Variants in PLXNA2 observed in about 807,000 individuals in gnomAD.
PLXNA2 encodes the protein plexin A2.
In PLXNA2, 91 loss-of-function variants were observed where a neutral mutation model predicts 193.5. That is an observed-to-expected ratio of 0.47 (90% confidence interval 0.40 to 0.56). The LOEUF (loss-of-function observed/expected upper bound fraction) is 0.56. Ranked by LOEUF, PLXNA2 falls within the 20% of genes least tolerant of loss-of-function variation. PLXNA2 has a pLI of 0.00. For missense variants in PLXNA2, 1,995 were observed against 2,503.2 expected (o/e 0.80, Z 4.33); for synonymous variants, 997 against 1,027.3 (o/e 0.97, Z 0.56).
intron 12 of PLXNA2, among the ~76,000 whole-genome samples, chr1:208,071,328 G>C (rs746526660): frequency 2.0e-5 from 3 of 152,236 alleles, no homozygotes; most frequent in Non-Finnish European, 4.4e-5. Context: ...GGACCAACGA[G>C]TGAGGACAAG....
rs375280101 is a variant in PLXNA2, at chr1:208,098,961, C to A, written c.1616G>T (p.Arg539Leu). 3.8e-6 allele frequency: 6 copies of A among 1,597,716 alleles called. No homozygotes were observed. Among genetic ancestry groups the A allele is most frequent in the East Asian group, 2.3e-5 (1 of 44,316 alleles). The stretch of plus-strand genomic sequence containing the variant: ...CCAGGCCTGTTGGCATTTGTCCCTG[C>A]GGGAGCACCTGCCATAAACACAGAT... ...GWCALHNMCSRRDKCQQAWEP... is the reference protein window; with the variant it reads ...GWCALHNMCSLRDKCQQAWEP... The change falls in exon 6 of 32, where the codon CGC becomes CTC. Residue 539 changes from arginine to leucine, a missense_variant. Transcript: ENST00000367033.
chr1:208,064,739 T>A (rs1156736158), intron 12 of PLXNA2, among the ~76,000 whole-genome samples: 1 of 152,144 alleles, frequency 6.6e-6, no homozygotes, highest in African/African-American at 2.4e-5. Flanking sequence ...TATTTCTTCT[T>A]AGGATCAAGG....
At chr1:208,134,709 C>G (rs1400750520) in intron 4 of PLXNA2, among the ~76,000 whole-genome samples, 2 of 152,062 alleles carry the variant, frequency 1.3e-5, no homozygotes, top group Non-Finnish European at 2.9e-5. Flanking sequence ...GAGTCCTTGC[C>G]CGCCTTGTAA....
intron 3 of PLXNA2, among the ~76,000 whole-genome samples, chr1:208,198,745 G>A (rs966063521): frequency 5.3e-5 from 8 of 152,178 alleles, no homozygotes; most frequent in Admixed American, 1.3e-4. Context: ...CAGGCAAGTG[G>A]TAGTCTACAC....
At chr1:208,100,907 G>A (rs1558192185) in intron 5 of PLXNA2, among the ~76,000 whole-genome samples, 1 of 152,208 alleles carries the variant, frequency 6.6e-6, no homozygotes, top group Non-Finnish European at 1.5e-5. Flanking sequence ...GCTGGTGCCA[G>A]CGTGTCCAAA....
At position 208,033,514 on chromosome 1, in the gene PLXNA2, GGA is replaced by G. The variant is rs758994577; in HGVS notation, c.4865-7_4865-6del. 1.9e-5 allele frequency: 31 copies of G among 1,597,258 alleles called. 1 individual carries two copies. The South Asian group carries it at 3.3e-4, about 17-fold the overall frequency. On this transcript the variant is annotated splice_polypyrimidine_tract_variant and splice_region_variant and intron_variant, in intron 27 of 31. Coordinates refer to ENST00000367033, the MANE Select transcript of PLXNA2 (RefSeq NM_025179.4). ...CCGTATACCTGAAGGAGGAGTCTGA[GGA>G]GAAGGGGTTGGTGGAGGGCTGTGAG...
In PLXNA2 at chr1:208,116,212, TTCTC is replaced by T. The variant is rs147826097; in HGVS notation, c.1507-12969_1507-12966del. Reference sequence around the variant, plus strand: ...GTCTTCCTTGATCAACCTTTGTTACTTCTCTCTCTGAACTGAGAATCTGACTGCC... The same window carrying T: ...GTCTTCCTTGATCAACCTTTGTTACTTCTCTGAACTGAGAATCTGACTGCC... On this transcript the variant is annotated intron_variant, in intron 4 of 31. Transcript: ENST00000367033. Among the ~76,000 whole-genome samples the T allele has an allele frequency of 7.8e-3, 1,190 of 152,358 alleles. 12 individuals carry two copies. Among genetic ancestry groups the T allele is most frequent in the Admixed American group, 0.014 (216 of 15,304 alleles).
At chr1:208,164,827 GCGGCACTAA>G (rs1193866729) in intron 3 of PLXNA2, among the ~76,000 whole-genome samples, 1 of 152,210 alleles carries the variant, frequency 6.6e-6, no homozygotes, top group Non-Finnish European at 1.5e-5. Context: ...CCTGACTCTA[GCGGCACTAA>G]CGGATTCTCT....
chr1:208,051,122 C>T lies in PLXNA2; in HGVS notation c.3162-20G>A, dbSNP rs768214931. 20 of 1,608,412 alleles carry T rather than the reference C, an allele frequency of 1.2e-5. No homozygotes were observed. Among genetic ancestry groups the T allele is most frequent in the Middle Eastern group, 1.7e-4 (1 of 6,032 alleles). The stretch of plus-strand genomic sequence containing the variant: ...TGGCCACTGAAAACAGGCAGAGGCT[C>T]GGTTAGGTAAAAAACCCCCTCAAAT... On this transcript the variant is annotated intron_variant, in intron 16 of 31. Coordinates refer to ENST00000367033, the MANE Select transcript of PLXNA2 (RefSeq NM_025179.4).
intron 12 of PLXNA2, among the ~76,000 whole-genome samples, chr1:208,066,031 T>C (rs1665784006): frequency 6.6e-6 from 1 of 150,422 alleles, no homozygotes; most frequent in South Asian, 2.1e-4. Context: ...GTTTGGGGGG[T>C]GTATGTGTGT....
Position 208,023,770 on chromosome 1 carries a change from T to C in PLXNA2, c.*3473A>G, listed in dbSNP as rs1244749094. 5 of 152,250 alleles carry C rather than the reference T, an allele frequency of 3.3e-5. No individual in the cohort carries two copies. The East Asian group carries it at 9.6e-4, about 29-fold the overall frequency. 9.4% of individuals were successfully genotyped at this position (152,250 alleles called of 1,614,324 possible). A position where few individuals can be genotyped will look rare whatever the true frequency, so the allele number is the denominator to read the frequency against. On this transcript the variant is annotated 3_prime_UTR_variant, in exon 32 of 32. Coordinates refer to ENST00000367033, the MANE Select transcript of PLXNA2 (RefSeq NM_025179.4). Reference sequence around the variant, plus strand: ...ATATAAATTCGCTGGAAGAAAGACCTTGGTTTTGTTCCGTGCTGTTTTCCC... The same window carrying C: ...ATATAAATTCGCTGGAAGAAAGACCCTGGTTTTGTTCCGTGCTGTTTTCCC...
intron 4 of PLXNA2, among the ~76,000 whole-genome samples, chr1:208,136,523 T>C (rs1353526524): frequency 6.6e-6 from 1 of 152,232 alleles, no homozygotes; most frequent in Non-Finnish European, 1.5e-5. Flanking sequence ...AGCCCCAGGC[T>C]CACAGGTTCC....
At chr1:208,086,570 G>C (rs553945812) in intron 9 of PLXNA2, among the ~76,000 whole-genome samples, 19 of 152,070 alleles carry the variant, frequency 1.2e-4, no homozygotes, top group Admixed American at 3.9e-4. Flanking sequence ...ACACCGGCAG[G>C]CTCACCAGTG....
chr1:208,143,322 G>T (rs1244544712), intron 3 of PLXNA2, among the ~76,000 whole-genome samples: 2 of 152,206 alleles, frequency 1.3e-5, no homozygotes, highest in Non-Finnish European at 2.9e-5. Context: ...TCACCTGGAG[G>T]GCTTGGTGAA....
intron 4 of PLXNA2, among the ~76,000 whole-genome samples, chr1:208,132,353 C>T (rs1183510395): frequency 2.6e-5 from 4 of 152,160 alleles, no homozygotes; most frequent in Admixed American, 2.0e-4. Context: ...CTTCTGCAGC[C>T]ACAGGGCAGC....
chr1:208,073,166 G>A (rs556457820), intron 12 of PLXNA2, among the ~76,000 whole-genome samples: 2 of 152,264 alleles, frequency 1.3e-5, no homozygotes, highest in Non-Finnish European at 2.9e-5. Flanking sequence ...TCTTATTAAA[G>A]AGAAGCAATT....
intron 4 of PLXNA2, among the ~76,000 whole-genome samples, chr1:208,139,300 A>G (rs6540458): frequency 0.81 from 123,789 of 152,060 alleles, 50,584 homozygotes; most frequent in East Asian, 1. Context: ...GAAGTCAGAG[A>G]TGGGGCCAGG....
At chr1:208,227,412 G>C (rs764899356) in intron 1 of PLXNA2, among the ~76,000 whole-genome samples, 1 of 152,056 alleles carries the variant, frequency 6.6e-6, no homozygotes, top group Non-Finnish European at 1.5e-5. Flanking sequence ...CTAACGTGAC[G>C]AGCATCAGCT....
At chr1:208,030,695 C>A (rs560501999) in intron 29 of PLXNA2, 2 of 985,308 alleles carry the variant, frequency 2.0e-6, no homozygotes, top group African/African-American at 1.7e-5. Context: ...CCATCTGTGT[C>A]GGCTCTGTTT....
Sources: allele counts gnomAD v4.1 joint callset (sites outside exome capture counted in the v4.1 genomes callset), GRCh38; gene constraint gnomAD v4.1.1; transcripts MANE v1.5; gene names NCBI Gene and HGNC (gene_info 2026-07-23, HGNC 2026-07-21).